Variants in PCDHGA5 observed in about 807,000 individuals in gnomAD.
The protein encoded by PCDHGA5 is protocadherin gamma-A5.
A neutral mutation model predicts 56.7 loss-of-function variants in PCDHGA5; 36 were observed. That is an observed-to-expected ratio of 0.64 (90% CI 0.49 to 0.84). PCDHGA5 has a LOEUF of 0.84. Among genes scored for constraint, PCDHGA5 ranks in the 40% least tolerant of loss-of-function variants. The probability of loss-of-function intolerance (pLI) is 0.00; values close to 1 mark genes in which losing one functional copy is unlikely to be tolerated. For missense variants in PCDHGA5, 1,305 were observed against 1,201.5 expected (o/e 1.09, Z -1.27); for synonymous variants, 563 against 520.2 (o/e 1.08, Z -1.12).
Position 141,490,637 on chromosome 5 carries a change from A to C in PCDHGA5, c.2422-4170A>C. ...CTTTACACTGCTTACATCCTAGAAA[A>C]CCGGCCTCCGGGCTCCCTTCTTTGC... is the stretch of plus-strand genomic sequence containing the variant. On this transcript the variant is annotated intron_variant, in intron 1 of 3. Coordinates refer to ENST00000518069, the MANE Select transcript of PCDHGA5 (RefSeq NM_018918.3). This position sits in a 1 kb window ranked among gnomAD's most constrained non-coding sequence, Gnocchi z 5.4. 1 of 1,614,108 alleles carries C rather than the reference A, an allele frequency of 6.2e-7. No individual in the cohort carries two copies. Among genetic ancestry groups the C allele is most frequent in the Non-Finnish European group, 8.5e-7 (1 of 1,179,992 alleles).
Position 141,431,142 on chromosome 5 carries a change from A to G in PCDHGA5, c.2422-63665A>G. ...GAAGTAGAAGTAAGGGACATTAACG[A>G]CAATGCGCCTTACTTTCGTGAAAGT... On this transcript the variant is annotated intron_variant, in intron 1 of 3. Coordinates refer to ENST00000518069, the MANE Select transcript of PCDHGA5 (RefSeq NM_018918.3). This position sits in a 1 kb window ranked among gnomAD's most constrained non-coding sequence, Gnocchi z 4.8. 1 of 1,614,240 alleles carries G rather than the reference A, an allele frequency of 6.2e-7. No individual in the cohort carries two copies. Among genetic ancestry groups the G allele is most frequent in the Non-Finnish European group, 8.5e-7 (1 of 1,180,024 alleles).
rs775963212 is a variant in PCDHGA5, at chr5:141,485,463, G to T, written c.2422-9344G>T. ...CCAATCGACCGAGAGGCACTGTGTG[G>T]GCTCAGTGCCAGCTGCATCGTGCCC... On this transcript the variant is annotated intron_variant, in intron 1 of 3. Coordinates refer to ENST00000518069, the MANE Select transcript of PCDHGA5 (RefSeq NM_018918.3). The surrounding 1 kb of genome is among the most constrained non-coding windows in gnomAD (Gnocchi z 5.7). The T allele has an allele frequency of 1.2e-6, 2 of 1,614,086 alleles. No individual in the cohort carries two copies. The highest frequency in any genetic ancestry group is 3.3e-5 in the Admixed American group (2 of 60,026).
At position 141,409,955 on chromosome 5, in the gene PCDHGA5, G is replaced by A. The variant is rs946959934; in HGVS notation, c.2421+43204G>A. On this transcript the variant is annotated intron_variant, in intron 1 of 3. Coordinates refer to ENST00000518069, the MANE Select transcript of PCDHGA5 (RefSeq NM_018918.3). ...TATGGTACCTCGCTCTGCAGAGCCC[G>A]GCTACCTAGTGACTAAGGTGGTAGC... is the stretch of plus-strand genomic sequence containing the variant. The A allele has an allele frequency of 2.8e-5, 45 of 1,613,234 alleles. No individual in the cohort carries two copies. The highest frequency in any genetic ancestry group is 3.6e-5 in the Non-Finnish European group (42 of 1,179,814).
intron 1 of PCDHGA5, among the ~76,000 whole-genome samples, chr5:141,473,090 T>C (rs1426311051): frequency 3.9e-5 from 6 of 152,064 alleles, no homozygotes; most frequent in African/African-American, 1.4e-4. Context: ...TTATCCACTG[T>C]GAGTTGTATT....
chr5:141,442,534 GA>G (rs1156284172), intron 1 of PCDHGA5: 1 of 152,222 alleles, frequency 6.6e-6, no homozygotes, highest in Non-Finnish European at 1.5e-5. Context: ...TCTCCAAGGT[GA>G]AAAATTCTTG....
In PCDHGA5 at chr5:141,490,267, G is replaced by A. The variant is rs765238578; in HGVS notation, c.2422-4540G>A. ...TGTGATTCAAGTGGATGTGGGGGAT[G>A]TCAATGACAATGCCCCAGAGGTGCT... On this transcript the variant is annotated intron_variant, in intron 1 of 3. Transcript: ENST00000518069. The surrounding 1 kb of genome is among the most constrained non-coding windows in gnomAD (Gnocchi z 5.4). The A allele has an allele frequency of 6.2e-7, 1 of 1,614,242 alleles. No homozygotes were observed. The highest frequency in any genetic ancestry group is 1.1e-5 in the South Asian group (1 of 91,084).
intron 1 of PCDHGA5, among the ~76,000 whole-genome samples, chr5:141,386,382 A>T (rs2090551092): frequency 6.6e-6 from 1 of 152,330 alleles, no homozygotes; most frequent in South Asian, 2.1e-4. Context: ...AGTATTAATT[A>T]AAAACACACT....
Position 141,404,312 on chromosome 5 carries a change from C to T in PCDHGA5, c.2421+37561C>T. On this transcript the variant is annotated intron_variant, in intron 1 of 3. Transcript: ENST00000518069. ...CAATGATAATCCACCTGCTTTCTCT[C>T]AAGCCTCCTACTCAGTCTACCTCCC... is the stretch of plus-strand genomic sequence containing the variant. 1.9e-6 allele frequency: 3 copies of T among 1,613,956 alleles called. No individual in the cohort carries two copies. The Middle Eastern group carries it at 4.9e-4, about 266-fold the overall frequency.
chr5:141,430,673 C>A, intron 1 of PCDHGA5: 1 of 1,288,318 alleles, frequency 7.8e-7, no homozygotes, highest in Non-Finnish European at 1.0e-6. Flanking sequence ...TCTGACTTCC[C>A]AACTGTCCCA....
At position 141,389,882 on chromosome 5, in the gene PCDHGA5, G is replaced by T. The variant is rs761230157; in HGVS notation, c.2421+23131G>T. On this transcript the variant is annotated intron_variant, in intron 1 of 3. Transcript: ENST00000518069. ...TGCACCTGGTCTTCGCCGACAGCTT[G>T]CAGGAGGTGCTGCCGGATATCACTG... 1.1e-5 allele frequency: 18 copies of T among 1,614,082 alleles called. No homozygotes were observed. The South Asian group carries it at 1.9e-4, about 17-fold the overall frequency.
chr5:141,477,874 T>G lies in PCDHGA5; in HGVS notation c.2422-16933T>G. On this transcript the variant is annotated intron_variant, in intron 1 of 3. Coordinates refer to ENST00000518069, the MANE Select transcript of PCDHGA5 (RefSeq NM_018918.3). This position sits in a 1 kb window ranked among gnomAD's most constrained non-coding sequence, Gnocchi z 4.9. ...AGATGCTGCCTCGAGGTACCTCAGC[T>G]GGCCACCTAGTGTCACGGGTGGTAG... 1 of 1,614,176 alleles carries G rather than the reference T, an allele frequency of 6.2e-7. No individual in the cohort carries two copies. The highest frequency in any genetic ancestry group is 8.5e-7 in the Non-Finnish European group (1 of 1,180,028).
chr5:141,430,234 A>G (rs2097268213), intron 1 of PCDHGA5, among the ~76,000 whole-genome samples: 1 of 130,034 alleles, frequency 7.7e-6, no homozygotes, highest in South Asian at 2.4e-4. Flanking sequence ...TGTCAAAAAG[A>G]GAAACTCCTA....
chr5:141,395,248 T>G lies in PCDHGA5; in HGVS notation c.2421+28497T>G, dbSNP rs1300416039. The G allele has an allele frequency of 4.5e-6, 7 of 1,561,360 alleles. No individual in the cohort carries two copies. In the Admixed American group the frequency reaches 1.4e-4, roughly 31 times the overall value. On this transcript the variant is annotated intron_variant, in intron 1 of 3. Transcript: ENST00000518069. ...GCTGATCATGGTCAGGTGAGTTTAG[T>G]TCTTTGCTTGCTTTTAATTTCCAGA...
At chr5:141,378,934 C>G (rs1228381656) in intron 1 of PCDHGA5, 3 of 152,166 alleles carry the variant, frequency 2.0e-5, no homozygotes, top group Non-Finnish European at 2.9e-5. Flanking sequence ...GTTGATGGCC[C>G]TGGAATGAAT....
rs2099750805 is a variant in PCDHGA5, at chr5:141,493,915, T to C, written c.2422-892T>C. ...TGCTCCATGAGAGTGTGTGATGGGA[T>C]AACACACCCCCTGGAAAGACCAGAA... On this transcript the variant is annotated intron_variant, in intron 1 of 3. Transcript: ENST00000518069. This position sits in a 1 kb window ranked among gnomAD's most constrained non-coding sequence, Gnocchi z 4.3. Among the ~76,000 whole-genome samples, 1 of 152,024 alleles carries C rather than the reference T, an allele frequency of 6.6e-6. No homozygotes were observed. Among genetic ancestry groups the C allele is most frequent in the African/African-American group, 2.4e-5 (1 of 41,386 alleles).
intron 1 of PCDHGA5, chr5:141,421,816 C>T (rs981400135): frequency 1.2e-5 from 19 of 1,613,696 alleles, no homozygotes; most frequent in Non-Finnish European, 1.4e-5. Context: ...AGAGCTAGTA[C>T]TGGAGGGAAG....
At chr5:141,449,588 CA>C (rs768743917) in intron 1 of PCDHGA5, among the ~76,000 whole-genome samples, 1,277 of 57,494 alleles carry the variant, frequency 0.022, 7 homozygotes, top group Middle Eastern at 0.041. Flanking sequence ...GACTCTGTCT[CA>C]AAAAAAAAAA....
rs3806835 is a variant in PCDHGA5, at chr5:141,370,079, T to C, written c.2421+3328T>C. On this transcript the variant is annotated intron_variant, in intron 1 of 3. Transcript: ENST00000518069. ...GTCCTTTTAAAATGGGAAGAAAGTATCACTATCAGTACACTGCCGATTTTT... is the reference window on the plus strand; with the variant it reads ...GTCCTTTTAAAATGGGAAGAAAGTACCACTATCAGTACACTGCCGATTTTT... Among the ~76,000 whole-genome samples, 56 of 152,350 alleles carry C rather than the reference T, an allele frequency of 3.7e-4. No homozygotes were observed. The East Asian group carries it at 0.011, about 29-fold the overall frequency.
chr5:141,480,719 A>G (rs1455113968), intron 1 of PCDHGA5, among the ~76,000 whole-genome samples: 1 of 152,194 alleles, frequency 6.6e-6, no homozygotes, highest in Non-Finnish European at 1.5e-5. Flanking sequence ...ATGAAAGCAC[A>G]GTCTCTGGGG....
Sources: allele counts gnomAD v4.1 joint callset (sites outside exome capture counted in the v4.1 genomes callset), GRCh38; gene constraint gnomAD v4.1.1; non-coding constraint Gnocchi (gnomAD v3.1); transcripts MANE v1.5; gene names NCBI Gene and HGNC (gene_info 2026-07-23, HGNC 2026-07-21).